Variants in THBS1 observed in about 807,000 individuals in gnomAD.
The protein encoded by THBS1 is thrombospondin-1.
THBS1 carries 29 observed loss-of-function variants against 126.1 expected under a neutral mutation model. The observed-to-expected ratio is 0.23, with a 90% confidence interval of 0.17 to 0.31. The LOEUF is 0.31. Among genes scored for constraint, THBS1 ranks in the 10% least tolerant of loss-of-function variants. The probability of loss-of-function intolerance (pLI) is 1.00; values close to 1 mark genes in which losing one functional copy is unlikely to be tolerated. For missense variants in THBS1, 1,198 were observed against 1,545.2 expected, an observed-to-expected ratio of 0.78 and a Z score of 3.77; for synonymous variants, 496 against 577.8, an observed-to-expected ratio of 0.86 and a Z score of 2.03.
At position 39,581,862 on chromosome 15, in the gene THBS1, G is replaced by T. The variant is rs764056978; in HGVS notation, c.5G>T (p.Gly2Val). ...CTGGGCACCAACAGCTCCACCATGG[G>T]GCTGGCCTGGGGACTAGGCGTCCTG... Reference protein sequence around the residue: MGLAWGLGVLFL... With the variant: MVLAWGLGVLFL... The change falls in exon 2 of 22, where the codon GGG becomes GTG. Residue 2 changes from glycine (G) to valine (V), a missense_variant. Gly to Val is a moderately radical substitution (Grantham distance 109). Transcript: ENST00000260356. 2.5e-6 allele frequency: 4 copies of T among 1,614,010 alleles called. No homozygotes were observed. In the East Asian group the frequency reaches 8.9e-5, roughly 36 times the overall value.
rs371737210 is a variant in THBS1, at chr15:39,589,859, G to A, written c.1981G>A (p.Ala661Thr). 9 of 1,613,980 alleles carry A rather than the reference G, an allele frequency of 5.6e-6. No individual in the cohort carries two copies. The African/African-American group carries it at 8.0e-5, about 14-fold the overall frequency. ...TGGGACCCACGACTGCAACAAGAAC[G>A]CCAAGTGCAACTACCTGGGCCACTA... is the stretch of plus-strand genomic sequence containing the variant. ...TDGTHDCNKNAKCNYLGHYSD... is the reference protein window; with the variant it reads ...TDGTHDCNKNTKCNYLGHYSD... Residue 661 changes from alanine (A) to threonine (T), a missense_variant, in exon 13 of 22, where the codon GCC (alanine) becomes ACC (threonine). Physicochemically the swap from Ala to Thr is moderately conservative, Grantham distance 58. Transcript: ENST00000260356. This position sits in a 1 kb window ranked among gnomAD's most constrained non-coding sequence, Gnocchi z 4.7.
chr15:39,590,297 G>A (rs1436824424), intron 13 of THBS1, among the ~76,000 whole-genome samples: 1 of 152,112 alleles, frequency 6.6e-6, no homozygotes, highest in Non-Finnish European at 1.5e-5. Context: ...AGCATGACTT[G>A]TGTTCACAAC....
chr15:39,589,472 GAATGT>G lies in THBS1; in HGVS notation c.1926+120_1926+124del. The G allele has an allele frequency of 2.3e-6, 3 of 1,305,788 alleles. No homozygotes were observed. The highest frequency in any genetic ancestry group is 3.1e-6 in the Non-Finnish European group (3 of 965,436). 80.9% of individuals were successfully genotyped at this position (1,305,788 alleles called of 1,614,324 possible). ...ACCAAAAAAAAAAGGGCGAGGAGAT[GAATGT>G]ACGGTCTAGTTTTAGAAACGTGATT... is the stretch of plus-strand genomic sequence containing the variant. On this transcript the variant is annotated intron_variant, in intron 12 of 21. Coordinates refer to ENST00000260356, the MANE Select transcript of THBS1 (RefSeq NM_003246.4). The surrounding 1 kb of genome is among the most constrained non-coding windows in gnomAD (Gnocchi z 4.7).
chr15:39,589,954 C>T lies in THBS1; in HGVS notation c.2076C>T (p.Asp692=), dbSNP rs1404610030. Residue 692 remains aspartate (D), a synonymous_variant, in exon 13 of 22, where the codon GAC becomes GAT. Coordinates refer to ENST00000260356, the MANE Select transcript of THBS1 (RefSeq NM_003246.4). This position sits in a 1 kb window ranked among gnomAD's most constrained non-coding sequence, Gnocchi z 4.7. ...YAGNGIICGE[D]TDLDGWPNEN... ...GCAATGGCATCATCTGCGGGGAGGA[C>T]ACAGACCTGGATGGCTGGCCCAATG... The T allele has an allele frequency of 6.2e-7, 1 of 1,614,000 alleles. No homozygotes were observed. The highest frequency in any genetic ancestry group is 1.7e-5 in the Admixed American group (1 of 60,006).
rs750018528 is a variant in THBS1, at chr15:39,594,351, A to G, written c.3416A>G (p.Tyr1139Cys). The G allele has an allele frequency of 6.2e-7, 1 of 1,614,234 alleles. No homozygotes were observed. Among genetic ancestry groups the G allele is most frequent in the South Asian group, 1.1e-5 (1 of 91,090 alleles). The stretch of plus-strand genomic sequence containing the variant: ...ATCATGGCTGACTCAGGACCCATCT[A>G]TGATAAAACCTATGCTGGTGGTAGA... Reference protein sequence around the residue: ...KKIMADSGPIYDKTYAGGRLG... With the variant: ...KKIMADSGPICDKTYAGGRLG... The change falls in exon 21 of 22, where the codon TAT (tyrosine) becomes TGT (cysteine). Residue 1139 changes from tyrosine to cysteine, a missense_variant. Transcript: ENST00000260356. This position sits in a 1 kb window ranked among gnomAD's most constrained non-coding sequence, Gnocchi z 4.4.
At chr15:39,582,104 C>T (rs1890118396) in intron 2 of THBS1, 89 bp from the exon 3 acceptor site, 1 of 1,450,558 alleles carries the variant, frequency 6.9e-7, no homozygotes. Flanking sequence ...GTTTTCACCC[C>T]AACCCTTTGT....
rs1363554937 is a variant in THBS1 at position 39,598,930 on chromosome 15, T to A, written c.*3561T>A. 6.6e-6 allele frequency: 1 copy of A among 152,162 alleles called. No individual in the cohort carries two copies. Among genetic ancestry groups the A allele is most frequent in the East Asian group, 1.9e-4 (1 of 5,194 alleles). The allele number at this position is 152,162 out of a possible 1,614,324, so 9.4% of individuals were successfully genotyped here. A position where few individuals can be genotyped will look rare whatever the true frequency, so the allele number is the denominator to read the frequency against. ...TCTCTCTTCTATAATTTCTTTTTCT[T>A]TTTATTTTTGAGATGAAGTCTTGCT... is the stretch of plus-strand genomic sequence containing the variant. On this transcript the variant is annotated 3_prime_UTR_variant, in exon 22 of 22. Transcript: ENST00000260356.
Position 39,598,795 on chromosome 15 carries a change from G to A in THBS1, c.*3426G>A, listed in dbSNP as rs1180830555. 6.6e-6 allele frequency: 1 copy of A among 151,712 alleles called. No homozygotes were observed. Among genetic ancestry groups the A allele is most frequent in the Non-Finnish European group, 1.5e-5 (1 of 67,972 alleles). 9.4% of individuals were successfully genotyped at this position (151,712 alleles called of 1,614,324 possible). Reference sequence around the variant, plus strand: ...AATAAACTCCAGGTCTTATAAGAATGTACATACAATAAAGGTGGTGCCAGC... The same window carrying A: ...AATAAACTCCAGGTCTTATAAGAATATACATACAATAAAGGTGGTGCCAGC... On this transcript the variant is annotated 3_prime_UTR_variant, in exon 22 of 22. Transcript: ENST00000260356.
chr15:39,592,809 C>T lies in THBS1; in HGVS notation c.2767+7C>T, dbSNP rs372189892. 33 of 1,608,348 alleles carry T rather than the reference C, an allele frequency of 2.1e-5. No homozygotes were observed. The African/African-American group carries it at 4.0e-4, about 20-fold the overall frequency. On this transcript the variant is annotated splice_region_variant and intron_variant, in intron 17 of 21. Coordinates refer to ENST00000260356, the MANE Select transcript of THBS1 (RefSeq NM_003246.4). The surrounding 1 kb of genome is among the most constrained non-coding windows in gnomAD (Gnocchi z 4.3). ...GACCAGAAGGACTCTGACGGTGAGT[C>T]ATGGGAGCCACTTTCTAAGACAGGG... is the stretch of plus-strand genomic sequence containing the variant.
Position 39,584,193 on chromosome 15 carries a change from T to G in THBS1, c.903+6T>G, listed in dbSNP as rs771581941. ...AGGACAGCATCCGCAAAGTGGTCAG[T>G]GGCCTCTGCACCCAGCCCGTTAGCA... On this transcript the variant is annotated splice_donor_region_variant and intron_variant, in intron 5 of 21. Transcript: ENST00000260356. 1.2e-5 allele frequency: 20 copies of G among 1,613,942 alleles called. No individual in the cohort carries two copies. Among genetic ancestry groups the G allele is most frequent in the Admixed American group, 5.0e-5 (3 of 60,002 alleles).
In THBS1 at chr15:39,593,363, C is replaced by T. The variant is rs569809875; in HGVS notation, c.2996-34C>T. 9.3e-6 allele frequency: 15 copies of T among 1,612,998 alleles called. No homozygotes were observed. The highest frequency in any genetic ancestry group is 1.2e-5 in the Non-Finnish European group (14 of 1,179,408). ...ATGATGGAGAACCTTCTGAAGGCTG[C>T]AGGTTTTAACCTGGCTCTGGGCTCT... On this transcript the variant is annotated intron_variant, in intron 18 of 21. Transcript: ENST00000260356. The surrounding 1 kb of genome is among the most constrained non-coding windows in gnomAD (Gnocchi z 5.9).
Position 39,582,286 on chromosome 15 carries a change from C to T in THBS1, c.161C>T (p.Pro54Leu). ...SGRRLVKGPDPSSPAFRIEDA... is the reference protein window; with the variant it reads ...SGRRLVKGPDLSSPAFRIEDA... ...CGCCGACTGGTGAAGGGCCCCGACC[C>T]TTCCAGCCCAGCTTTCCGCATCGAG... Residue 54 changes from proline (P) to leucine (L), a missense_variant, in exon 3 of 22, where the codon CCT becomes CTT. Physicochemically the swap from Pro to Leu is moderately conservative, Grantham distance 98. Coordinates refer to ENST00000260356, the MANE Select transcript of THBS1 (RefSeq NM_003246.4). 1 of 1,614,232 alleles carries T rather than the reference C, an allele frequency of 6.2e-7. No homozygotes were observed. The highest frequency in any genetic ancestry group is 8.5e-7 in the Non-Finnish European group (1 of 1,180,042).
chr15:39,587,181 C>A, intron 7 of THBS1, 166 bp from the exon 8 acceptor site: 1 of 553,626 alleles, frequency 1.8e-6, no homozygotes, highest in South Asian at 3.9e-5. Flanking sequence ...TCACATTATA[C>A]ACCTTAAATG....
Position 39,592,980 on chromosome 15 carries a change from T to C in THBS1, c.2768-20T>C, listed in dbSNP as rs1890357078. On this transcript the variant is annotated intron_variant, in intron 17 of 21. Transcript: ENST00000260356. The surrounding 1 kb of genome is among the most constrained non-coding windows in gnomAD (Gnocchi z 4.3). ...ATAGCACTTTAGAATTTTGCTGAACTCTTGCTTTTTTGACCTCAGGCGATG... is the reference window on the plus strand; with the variant it reads ...ATAGCACTTTAGAATTTTGCTGAACCCTTGCTTTTTTGACCTCAGGCGATG... 4.3e-6 allele frequency: 7 copies of C among 1,611,582 alleles called. No homozygotes were observed. The highest frequency in any genetic ancestry group is 5.9e-6 in the Non-Finnish European group (7 of 1,179,508).
rs922041952 is a variant in THBS1, at chr15:39,591,615, C to T, written c.2524C>T (p.Pro842Ser). 6 of 1,613,950 alleles carry T rather than the reference C, an allele frequency of 3.7e-6. No individual in the cohort carries two copies. Among genetic ancestry groups the T allele is most frequent in the Non-Finnish European group, 5.1e-6 (6 of 1,179,816 alleles). ...QCDNCPLEHN[P>S]DQLDSDSDRI... ...TGACAATTGCCCCTTGGAACACAAT[C>T]CGGATCAGGTAGGTGGATGGACTCC... Residue 842 changes from proline (P) to serine (S), a missense_variant, in exon 16 of 22, where the codon CCG becomes TCG. Pro to Ser is a moderately conservative substitution (Grantham distance 74, BLOSUM62 -1). Coordinates refer to ENST00000260356, the MANE Select transcript of THBS1 (RefSeq NM_003246.4).
intron 5 of THBS1, 52 bp from the exon 6 acceptor site, chr15:39,584,248 C>A: frequency 6.2e-7 from 1 of 1,614,178 alleles, no homozygotes; most frequent in African/African-American, 1.3e-5. Flanking sequence ...CGCAGATGGT[C>A]CCAAATGACT....
Position 39,597,574 on chromosome 15 carries a change from A to G in THBS1, c.*2205A>G, listed in dbSNP as rs779486500. ...AGCATATACAAAAATAAATTACAGT[A>G]AGTCATAGCAACATTCACAGTTTGT... On this transcript the variant is annotated 3_prime_UTR_variant, in exon 22 of 22. Transcript: ENST00000260356. 2.6e-5 allele frequency: 4 copies of G among 152,158 alleles called. No individual in the cohort carries two copies. Among genetic ancestry groups the G allele is most frequent in the Non-Finnish European group, 5.9e-5 (4 of 68,024 alleles). 9.4% of individuals were successfully genotyped at this position (152,158 alleles called of 1,614,324 possible).
chr15:39,594,096 C>A lies in THBS1; in HGVS notation c.3268-3C>A, dbSNP rs764332609. 6.2e-7 allele frequency: 1 copy of A among 1,611,346 alleles called. No individual in the cohort carries two copies. The highest frequency in any genetic ancestry group is 1.1e-5 in the South Asian group (1 of 90,396). On this transcript the variant is annotated splice_region_variant and splice_polypyrimidine_tract_variant and intron_variant, in intron 19 of 21. Transcript: ENST00000260356. This position sits in a 1 kb window ranked among gnomAD's most constrained non-coding sequence, Gnocchi z 4.4. ...TCAACCTTTCCTTTTCCTTTTCCTT[C>A]AGGTGCGCACCCTGTGGCATGACCC...
At chr15:39,585,639 A>G in intron 7 of THBS1, 76 bp downstream of exon 7, 6 of 1,361,880 alleles carry the variant, frequency 4.4e-6, no homozygotes, top group Non-Finnish European at 6.2e-6. Context: ...GCCGAGCACA[A>G]CACTGGAACC....
Sources: gnomAD v4.1 joint callset for allele counts (sites outside exome capture counted in the v4.1 genomes callset) on GRCh38, gnomAD v4.1.1 for gene constraint, Gnocchi (gnomAD v3.1) non-coding constraint, MANE v1.5 for transcripts, NCBI Gene and HGNC (gene_info 2026-07-23, HGNC 2026-07-21) for gene names.